The following ARL15 variants were observed in gnomAD, a reference collection of about 807,000 sequenced individuals.
ARL15 encodes the protein ARF like GTPase 15.
Under a neutral mutation model 25.2 loss-of-function variants are expected in ARL15, and 19 were observed. The ratio of observed to expected loss-of-function variants is 0.75; its 90% CI spans 0.53 to 1.10. The LOEUF (loss-of-function observed/expected upper bound fraction) is 1.10. Among genes scored for constraint, ARL15 ranks in the 50% least tolerant of loss-of-function variants. The pLI, the probability that ARL15 is intolerant of heterozygous loss-of-function variation, is 0.00. For synonymous variants in ARL15, 94 were observed against 86.8 expected (o/e 1.08, Z -0.46); for missense variants, 220 against 246.0 (o/e 0.89, Z 0.71).
At chr5:54,179,547 A>G (rs955056678) in intron 1 of ARL15, among the ~76,000 whole-genome samples, 2 of 152,134 alleles carry the variant, frequency 1.3e-5, no homozygotes, top group African/African-American at 4.8e-5. Flanking sequence ...TGGGTGAGAA[A>G]TAGCATCCTT....
At chr5:54,079,348 T>C (rs571885104) in intron 4 of ARL15, among the ~76,000 whole-genome samples, 9 of 152,254 alleles carry the variant, frequency 5.9e-5, no homozygotes, top group Non-Finnish European at 8.8e-5. Context: ...GAAAATTGGA[T>C]ATAACCATGG....
chr5:54,174,422 T>C (rs982569696), intron 1 of ARL15, among the ~76,000 whole-genome samples: 24 of 152,164 alleles, frequency 1.6e-4, no homozygotes, highest in African/African-American at 5.3e-4. Flanking sequence ...GAGCTTCTTT[T>C]TGTCCTAAAT....
chr5:54,117,914 G>T (rs1304204648), intron 3 of ARL15, among the ~76,000 whole-genome samples: 2 of 152,172 alleles, frequency 1.3e-5, no homozygotes, highest in Non-Finnish European at 2.9e-5. Flanking sequence ...AAGTGAGCCT[G>T]ACAGCTTTTC....
chr5:54,216,498 G>A (rs1349713769), intron 1 of ARL15, among the ~76,000 whole-genome samples: 1 of 152,112 alleles, frequency 6.6e-6, no homozygotes, highest in Non-Finnish European at 1.5e-5. Flanking sequence ...TCTGTTTGCT[G>A]GGAGACACTG....
intron 1 of ARL15, among the ~76,000 whole-genome samples, chr5:54,249,704 G>A (rs1757191635): frequency 6.6e-6 from 1 of 150,574 alleles, no homozygotes; most frequent in South Asian, 2.1e-4. Flanking sequence ...TTTAACAGCT[G>A]TAGGAGAAAA....
intron 4 of ARL15, among the ~76,000 whole-genome samples, chr5:53,900,933 G>A (rs527876703): frequency 6.6e-5 from 10 of 152,110 alleles, no homozygotes; most frequent in African/African-American, 1.2e-4. Context: ...GACCCACATA[G>A]GACACTTATG....
chr5:54,123,678 C>G (rs571939437), intron 3 of ARL15, among the ~76,000 whole-genome samples: 9 of 152,060 alleles, frequency 5.9e-5, no homozygotes, highest in Non-Finnish European at 1.3e-4. Context: ...TATATTAAAA[C>G]AAGACTAGCC....
intron 4 of ARL15, among the ~76,000 whole-genome samples, chr5:54,036,914 G>A (rs1750185528): frequency 6.6e-6 from 1 of 151,974 alleles, no homozygotes; most frequent in African/African-American, 2.4e-5. Context: ...AAAATTCAAA[G>A]GGATGATTTT....
chr5:54,146,364 G>A (rs982541224), intron 3 of ARL15, among the ~76,000 whole-genome samples: 1 of 152,056 alleles, frequency 6.6e-6, no homozygotes, highest in African/African-American at 2.4e-5. Context: ...AAATAAACTA[G>A]TTACGTTATA....
intron 4 of ARL15, among the ~76,000 whole-genome samples, chr5:53,903,923 G>T (rs187069945): frequency 2.6e-5 from 4 of 152,282 alleles, no homozygotes; most frequent in African/African-American, 9.6e-5. Flanking sequence ...TTACATGGTG[G>T]CCAGCGATAC....
chr5:54,106,271 T>C (rs1752587723), intron 4 of ARL15, among the ~76,000 whole-genome samples: 1 of 152,118 alleles, frequency 6.6e-6, no homozygotes, highest in Admixed American at 6.6e-5. Context: ...AGGTTTGGTG[T>C]TTCAGGAAAA....
intron 1 of ARL15, among the ~76,000 whole-genome samples, chr5:54,280,144 C>T (rs1041403363): frequency 1.3e-5 from 2 of 152,192 alleles, no homozygotes; most frequent in African/African-American, 4.8e-5. Flanking sequence ...CCCATCCCTC[C>T]TTCCTTCCCA....
chr5:53,937,264 G>A (rs1256671734), intron 4 of ARL15, among the ~76,000 whole-genome samples: 1 of 151,676 alleles, frequency 6.6e-6, no homozygotes, highest in East Asian at 1.9e-4. Context: ...CAGGGAATAA[G>A]TACAAAATAC....
chr5:53,921,080 G>C (rs1393739596), intron 4 of ARL15, among the ~76,000 whole-genome samples: 1 of 152,198 alleles, frequency 6.6e-6, no homozygotes, highest in Non-Finnish European at 1.5e-5. Flanking sequence ...GTGACCTACA[G>C]TGGCAAGACA....
At chr5:54,059,454 C>G (rs537025011) in intron 4 of ARL15, among the ~76,000 whole-genome samples, 5 of 152,102 alleles carry the variant, frequency 3.3e-5, no homozygotes, top group African/African-American at 1.2e-4. Flanking sequence ...ACAGCTTAAC[C>G]AGTTGTATTT....
At chr5:54,197,225 G>T (rs1755576128) in intron 1 of ARL15, among the ~76,000 whole-genome samples, 1 of 151,990 alleles carries the variant, frequency 6.6e-6, no homozygotes, top group Non-Finnish European at 1.5e-5. Flanking sequence ...ATGTTATCTG[G>T]CAATTCATTG....
At chr5:54,056,688 C>T (rs1750879740) in intron 4 of ARL15, among the ~76,000 whole-genome samples, 1 of 151,284 alleles carries the variant, frequency 6.6e-6, no homozygotes, top group South Asian at 2.1e-4. Flanking sequence ...AAACTGACAC[C>T]TCGTGGGGTT....
chr5:54,251,872 A>C (rs1161805316), intron 1 of ARL15, among the ~76,000 whole-genome samples: 1 of 152,198 alleles, frequency 6.6e-6, no homozygotes, highest in African/African-American at 2.4e-5. Context: ...CCACAAACCA[A>C]TTAGTACATC....
At chr5:53,908,276 C>T (rs1022590481) in intron 4 of ARL15, among the ~76,000 whole-genome samples, 1 of 152,124 alleles carries the variant, frequency 6.6e-6, no homozygotes, top group African/African-American at 2.4e-5. Context: ...AGCAGGCCTT[C>T]TGTATCCATG....
Sources: allele counts gnomAD v4.1 joint callset (sites outside exome capture counted in the v4.1 genomes callset), GRCh38; gene constraint gnomAD v4.1.1; transcripts MANE v1.5; gene names NCBI Gene and HGNC (gene_info 2026-07-23, HGNC 2026-07-21).